KATNBL1: variants seen among roughly 807,000 people sequenced by gnomAD.
KATNBL1 encodes KATNB1-like protein 1.
KATNBL1 carries 28 observed loss-of-function variants against 44.7 expected under a neutral mutation model. The observed-to-expected ratio is 0.63, with a 90% CI of 0.46 to 0.86. The LOEUF (loss-of-function observed/expected upper bound fraction) is 0.86, where lower values mean the gene tolerates loss of function less well. Among genes scored for constraint, KATNBL1 ranks in the 40% least tolerant of loss-of-function variants. KATNBL1 has a pLI of 0.00. For missense variants in KATNBL1, 272 were observed against 350.7 expected (o/e 0.78, Z 1.79); for synonymous variants, 78 against 114.9 (o/e 0.68, Z 2.06).
At chr15:34,196,846 CTG>C (rs1344570310) in intron 1 of KATNBL1, among the ~76,000 whole-genome samples, 2 of 152,234 alleles carry the variant, frequency 1.3e-5, no homozygotes, top group South Asian at 2.1e-4. Context: ...AAATCCTAAA[CTG>C]TTACAGTTTT....
intron 7 of KATNBL1, 119 bp from the exon 8 acceptor site, chr15:34,146,969 A>T (rs16958836): frequency 0.17 from 116,428 of 692,808 alleles, 11,943 homozygotes; most frequent in African/African-American, 0.37. Flanking sequence ...CTTTTAAAAA[A>T]TTGTTACCTT....
At chr15:34,181,573 CATATATATACATATATATACACAT>C (rs1567531864) in intron 1 of KATNBL1, among the ~76,000 whole-genome samples, 2 of 132,988 alleles carry the variant, frequency 1.5e-5, no homozygotes, top group Admixed American at 7.6e-5. Context: ...TATATATATC[CATATATATACATATATATACACAT>C]ATATATGTCC....
chr15:34,175,526 C>G (rs7174586), intron 1 of KATNBL1, among the ~76,000 whole-genome samples: 2 of 151,946 alleles, frequency 1.3e-5, no homozygotes, highest in Admixed American at 6.6e-5. Context: ...TCTTCAGAGG[C>G]TAAAACAGTT....
chr15:34,152,738 G>C, intron 4 of KATNBL1, 52 bp downstream of exon 4: 4 of 1,439,982 alleles, frequency 2.8e-6, no homozygotes, highest in South Asian at 1.3e-5. Flanking sequence ...AAAAAATCAA[G>C]ATTATAACAG....
chr15:34,153,752 G>T (rs1836977), intron 3 of KATNBL1, among the ~76,000 whole-genome samples: 87,230 of 151,820 alleles, frequency 0.57, 25,882 homozygotes, highest in East Asian at 0.71. Context: ...TGTATTTTTA[G>T]TAGAGACAGG....
Position 34,153,014 on chromosome 15 carries a change from T to C in KATNBL1, c.214A>G (p.Arg72Gly), listed in dbSNP as rs749103911. 1 of 1,613,666 alleles carries C rather than the reference T, an allele frequency of 6.2e-7. No individual in the cohort carries two copies. Among genetic ancestry groups the C allele is most frequent in the Admixed American group, 1.7e-5 (1 of 60,026 alleles). ...GGAAAGGGATGATGAACTTTCTTTC[T>C]GCGATAGATCACTTTACGAAGTTTA... ...PDKLRKVIYRRKKVHHPFPNP... is the reference protein window; with the variant it reads ...PDKLRKVIYRGKKVHHPFPNP... The change falls in exon 4 of 10, where the codon AGA becomes GGA. Residue 72 changes from arginine (R) to glycine (G), a missense_variant. By Grantham distance (125) the Arg-to-Gly change is moderately radical. Around this residue, in one of 3 missense-constraint regions of KATNBL1, gnomAD observed 122 missense variants for 125.0 expected, o/e 0.98. Coordinates refer to ENST00000256544, the MANE Select transcript of KATNBL1 (RefSeq NM_024713.3).
At chr15:34,184,722 G>A (rs557819742) in intron 1 of KATNBL1, among the ~76,000 whole-genome samples, 90 of 151,256 alleles carry the variant, frequency 6.0e-4, no homozygotes, top group African/African-American at 2.1e-3. Flanking sequence ...ACAGGCGCCC[G>A]CCACCATGCC....
intron 1 of KATNBL1, among the ~76,000 whole-genome samples, chr15:34,183,401 C>A (rs369265101): frequency 6.6e-6 from 1 of 152,176 alleles, no homozygotes; most frequent in East Asian, 1.9e-4. Flanking sequence ...TCACAACTTA[C>A]AATCTGGGTA....
chr15:34,193,883 A>AAAAAAAAACC (rs1889960808), intron 1 of KATNBL1, among the ~76,000 whole-genome samples: 1 of 141,906 alleles, frequency 7.0e-6, no homozygotes, highest in Admixed American at 7.0e-5. Context: ...AAAAAAAATC[A>AAAAAAAAACC]CCAGCAAAAT....
At chr15:34,204,020 ATT>A (rs1213100969) in intron 1 of KATNBL1, among the ~76,000 whole-genome samples, 2 of 75,466 alleles carry the variant, frequency 2.7e-5, no homozygotes, top group Admixed American at 1.6e-4. Flanking sequence ...TCAGAACTTA[ATT>A]AAAAAAAAAA....
intron 2 of KATNBL1, among the ~76,000 whole-genome samples, chr15:34,158,141 T>C (rs1004977129): frequency 1.3e-5 from 2 of 152,208 alleles, no homozygotes; most frequent in Admixed American, 6.5e-5. Flanking sequence ...TCCTAAATAC[T>C]AGGCAACTAT....
chr15:34,143,402 T>C (rs1414500399), intron 9 of KATNBL1, among the ~76,000 whole-genome samples: 1 of 151,816 alleles, frequency 6.6e-6, no homozygotes, highest in African/African-American at 2.4e-5. Context: ...GAGGCAGAGG[T>C]TGCAGTGAGC....
intron 1 of KATNBL1, among the ~76,000 whole-genome samples, chr15:34,186,011 C>T (rs189486171): frequency 3.3e-5 from 5 of 152,224 alleles, no homozygotes; most frequent in East Asian, 3.9e-4. Context: ...GTTTTAAGAT[C>T]GGGAGGGTCA....
intron 1 of KATNBL1, among the ~76,000 whole-genome samples, chr15:34,193,044 C>T (rs1033074895): frequency 2.6e-5 from 4 of 151,248 alleles, no homozygotes; most frequent in South Asian, 2.1e-4. Flanking sequence ...AGTGAAACCC[C>T]GCCTCTATTA....
intron 1 of KATNBL1, among the ~76,000 whole-genome samples, chr15:34,184,328 G>A (rs1597454027): frequency 8.0e-6 from 1 of 125,596 alleles, no homozygotes. Context: ...TTAGCTGGGC[G>A]TGGTGGTGCG....
chr15:34,147,625 T>G (rs1290226188), intron 5 of KATNBL1, among the ~76,000 whole-genome samples, 195 bp from the exon 6 acceptor site: 2 of 148,330 alleles, frequency 1.3e-5, no homozygotes, highest in Non-Finnish European at 1.5e-5. Flanking sequence ...ACTGTGGGGG[T>G]TGGGGGGTGG....
chr15:34,159,008 G>C (rs1888719086), intron 2 of KATNBL1, among the ~76,000 whole-genome samples: 1 of 152,190 alleles, frequency 6.6e-6, no homozygotes, highest in African/African-American at 2.4e-5. Context: ...TCAGTGGTTA[G>C]TGTTAAATCA....
At chr15:34,183,708 A>G (rs979496573) in intron 1 of KATNBL1, among the ~76,000 whole-genome samples, 5 of 152,234 alleles carry the variant, frequency 3.3e-5, no homozygotes, top group African/African-American at 1.2e-4. Flanking sequence ...AACCTGAGAG[A>G]ATATTTTGAT....
chr15:34,143,859 C>T (rs1406311784), intron 9 of KATNBL1, among the ~76,000 whole-genome samples: 2 of 135,558 alleles, frequency 1.5e-5, no homozygotes, highest in Admixed American at 8.0e-5. Context: ...CCCAGCTAAT[C>T]GGGAGGCTGA....
Sources: gnomAD v4.1 joint callset for allele counts (sites outside exome capture counted in the v4.1 genomes callset) on GRCh38, gnomAD v4.1.1 for gene constraint, gnomAD v4.1.1 regional missense constraint, MANE v1.5 for transcripts, NCBI Gene and HGNC (gene_info 2026-07-23, HGNC 2026-07-21) for gene names.